The following HNRNPLL variants were observed in gnomAD, a reference collection of about 807,000 sequenced individuals.
HNRNPLL encodes heterogeneous nuclear ribonucleoprotein L-like.
Under a neutral mutation model 67.1 loss-of-function variants are expected in HNRNPLL, and 25 were observed. That is an observed-to-expected ratio of 0.37 (90% CI 0.27 to 0.52). The LOEUF is 0.52. Ranked by LOEUF, HNRNPLL falls within the 20% of genes least tolerant of loss-of-function variation. The pLI is 0.90. For synonymous variants in HNRNPLL, 267 were observed against 241.7 expected, an observed-to-expected ratio of 1.10 and a Z score of -0.97; for missense variants, 542 against 673.9, an observed-to-expected ratio of 0.80 and a Z score of 2.17.
At chr2:38,569,759 T>G in intron 9 of HNRNPLL, 45 bp downstream of exon 9, 1 of 1,065,978 alleles carries the variant, frequency 9.4e-7, no homozygotes, top group Non-Finnish European at 1.3e-6. Context: ...AGGACAAAGA[T>G]TTTTAAATAT....
chr2:38,595,831 G>T (rs1420651714), intron 1 of HNRNPLL, among the ~76,000 whole-genome samples: 1 of 152,006 alleles, frequency 6.6e-6, no homozygotes, highest in African/African-American at 2.4e-5. Context: ...GCGACAGAGC[G>T]AGACTCCGTC....
At position 38,577,776 on chromosome 2, in the gene HNRNPLL, A is replaced by G. The variant is rs1056365030; in HGVS notation, c.803-244T>C. 5.3e-5 allele frequency: 27 copies of G among 510,198 alleles called. 1 individual carries two copies. The highest frequency in any genetic ancestry group is 4.1e-4 in the South Asian group (20 of 48,754). 31.6% of individuals were successfully genotyped at this position (510,198 alleles called of 1,614,324 possible). On this transcript the variant is annotated intron_variant, in intron 6 of 12. Coordinates refer to ENST00000449105, the MANE Select transcript of HNRNPLL (RefSeq NM_138394.4). ...ATCTTTTTGGCAAATGCCAAATACA[A>G]TCACACTTTCAAATTTAAGGAAGAA... is the stretch of plus-strand genomic sequence containing the variant.
chr2:38,602,152 G>T, intron 1 of HNRNPLL: 1 of 456,362 alleles, frequency 2.2e-6, no homozygotes, highest in Non-Finnish European at 3.8e-6. Context: ...CAGAGCGGAA[G>T]CGACGCCTCC....
intron 8 of HNRNPLL, among the ~76,000 whole-genome samples, chr2:38,572,950 T>C (rs1469881722): frequency 6.6e-6 from 1 of 152,078 alleles, no homozygotes; most frequent in Non-Finnish European, 1.5e-5. Flanking sequence ...TCTCATACCA[T>C]AGTAGTTGAT....
chr2:38,581,369 G>A (rs1476738673), intron 6 of HNRNPLL: 1 of 154,618 alleles, frequency 6.5e-6, no homozygotes, highest in Non-Finnish European at 1.4e-5. Context: ...ATGCAATTCT[G>A]AAGTACTGTT....
chr2:38,596,342 C>CCT (rs56080223), intron 1 of HNRNPLL, among the ~76,000 whole-genome samples: 148,469 of 152,230 alleles, frequency 0.98, 72,523 homozygotes, highest in East Asian at 1. Flanking sequence ...TCACTGCAAA[C>CCT]CTGTCTCCTG....
Position 38,582,156 on chromosome 2 carries a change from G to C in HNRNPLL, c.645C>G (p.Val215=). 3 of 1,613,210 alleles carry C rather than the reference G, an allele frequency of 1.9e-6. No homozygotes were observed. Among genetic ancestry groups the C allele is most frequent in the Non-Finnish European group, 1.7e-6 (2 of 1,179,218 alleles). Residue 215 remains valine (V), a synonymous_variant, in exon 5 of 13, where the codon GTC becomes GTG. Transcript: ENST00000449105. ...CTGCTTTAGCTTTCTGGGCACAAAGGACTGATTCAAACATAAGCTCTATTA... is the reference window on the plus strand; with the variant it reads ...CTGCTTTAGCTTTCTGGGCACAAAGCACTGATTCAAACATAAGCTCTATTA... ...GIQAMVEFES[V]LCAQKAKAAL...
At chr2:38,570,182 G>C (rs939182079) in intron 8 of HNRNPLL, among the ~76,000 whole-genome samples, 1 of 152,140 alleles carries the variant, frequency 6.6e-6, no homozygotes, top group East Asian at 1.9e-4. Flanking sequence ...TGTGATTTGA[G>C]GGCAATATAC....
At chr2:38,572,306 G>A (rs1035046536) in intron 8 of HNRNPLL, among the ~76,000 whole-genome samples, 5 of 152,060 alleles carry the variant, frequency 3.3e-5, no homozygotes, top group African/African-American at 1.2e-4. Context: ...CTCAGATCAA[G>A]AAGCTTTAGA....
rs533868598 is a variant in HNRNPLL, at chr2:38,575,449, CA to C, written c.874+2011del. On this transcript the variant is annotated intron_variant, in intron 7 of 12. Transcript: ENST00000449105. ...TCCAAAGATGCTACAAATTAATACA[CA>C]AACTCTTCTTGAGCTTACAGCAAAT... Among the ~76,000 whole-genome samples, 22 of 151,888 alleles carry C rather than the reference CA, an allele frequency of 1.4e-4. No homozygotes were observed. In the South Asian group the frequency reaches 3.5e-3, roughly 24 times the overall value.
chr2:38,569,045 T>C (rs944672698), intron 10 of HNRNPLL, 88 bp downstream of exon 10: 3 of 920,524 alleles, frequency 3.3e-6, no homozygotes, highest in African/African-American at 1.7e-5. Flanking sequence ...AGCAAAAGAA[T>C]GAGCAAAACG....
At chr2:38,569,362 A>G (rs752199072) in intron 9 of HNRNPLL, 28 bp from the exon 10 acceptor site, 4 of 1,511,400 alleles carry the variant, frequency 2.6e-6, no homozygotes, top group East Asian at 2.3e-5. Flanking sequence ...AAGACATACA[A>G]AAGTACTTTG....
chr2:38,592,998 A>T (rs1667023724), intron 1 of HNRNPLL, among the ~76,000 whole-genome samples: 1 of 152,242 alleles, frequency 6.6e-6, no homozygotes, highest in Non-Finnish European at 1.5e-5. Context: ...TGCCAGTAAA[A>T]ATTTATGTCA....
At chr2:38,578,040 A>AT (rs1666365710) in intron 6 of HNRNPLL, 1 of 470,098 alleles carries the variant, frequency 2.1e-6, no homozygotes, top group Non-Finnish European at 4.4e-6. Flanking sequence ...AACACAGAGT[A>AT]TTTTATAAGT....
chr2:38,573,325 T>C lies in HNRNPLL; in HGVS notation c.977A>G (p.Tyr326Cys). The C allele has an allele frequency of 1.2e-6, 2 of 1,610,144 alleles. No homozygotes were observed. The highest frequency in any genetic ancestry group is 2.2e-5 in the South Asian group (2 of 90,930). Reference sequence around the variant, plus strand: ...ACCAGAGGGATTTCCTCCATGCATGTAAGAGGAAGAAGCCTGTGGTAATGG... The same window carrying C: ...ACCAGAGGGATTTCCTCCATGCATGCAAGAGGAAGAAGCCTGTGGTAATGG... ...AYPLPQASSS[Y>C]MHGGNPSGSV... Residue 326 changes from tyrosine to cysteine, a missense_variant, in exon 8 of 13, where the codon TAC (tyrosine) becomes TGC (cysteine). By Grantham distance (194) the Tyr-to-Cys change is radical. Coordinates refer to ENST00000449105, the MANE Select transcript of HNRNPLL (RefSeq NM_138394.4).
intron 1 of HNRNPLL, among the ~76,000 whole-genome samples, chr2:38,593,825 T>C (rs1292167705): frequency 2.0e-5 from 3 of 148,952 alleles, no homozygotes; most frequent in African/African-American, 7.5e-5. Flanking sequence ...ATTGTGCCAC[T>C]GCACTCCAGA....
intron 8 of HNRNPLL, among the ~76,000 whole-genome samples, chr2:38,570,793 C>A (rs1666047020): frequency 6.6e-6 from 1 of 152,012 alleles, no homozygotes; most frequent in Admixed American, 6.6e-5. Context: ...GTAATCCCAG[C>A]ACTTTTGAGA....
At chr2:38,594,080 C>T (rs1667076895) in intron 1 of HNRNPLL, among the ~76,000 whole-genome samples, 1 of 149,374 alleles carries the variant, frequency 6.7e-6, no homozygotes, top group Non-Finnish European at 1.5e-5. Context: ...GAGGCTGAGG[C>T]AGGAGAATGG....
chr2:38,581,825 A>T (rs1468983538), intron 6 of HNRNPLL, 88 bp downstream of exon 6: 1 of 844,114 alleles, frequency 1.2e-6, no homozygotes, highest in Non-Finnish European at 2.0e-6. Context: ...ATTTGAATTA[A>T]CTAGCTCATC....
Sources: allele counts gnomAD v4.1 joint callset (sites outside exome capture counted in the v4.1 genomes callset), GRCh38; gene constraint gnomAD v4.1.1; transcripts MANE v1.5; gene names NCBI Gene and HGNC (gene_info 2026-07-23, HGNC 2026-07-21).